Variants in REN observed in about 807,000 individuals in gnomAD.
REN encodes angiotensin-forming enzyme.
Under a neutral mutation model 48.6 loss-of-function variants are expected in REN, and 42 were observed. That is an observed-to-expected ratio of 0.86 (90% confidence interval 0.68 to 1.12). The LOEUF is 1.12. REN is among the 50% of genes most tolerant of loss of function. The pLI, the probability that REN is intolerant of heterozygous loss-of-function variation, is 0.00. For missense variants in REN, 443 were observed against 527.3 expected, an observed-to-expected ratio of 0.84 and a Z score of 1.57; for synonymous variants, 196 against 204.6, an observed-to-expected ratio of 0.96 and a Z score of 0.36.
intron 5 of REN, 62 bp downstream of exon 5, chr1:204,159,337 C>T (rs975530829): frequency 6.8e-7 from 1 of 1,471,248 alleles, no homozygotes; most frequent in Non-Finnish European, 9.5e-7. Flanking sequence ...ACTCTCCTTC[C>T]ACTCCCCATC....
chr1:204,159,619 G>T (rs372230599), intron 4 of REN, 24 bp from the exon 5 acceptor site: 1 of 1,611,812 alleles, frequency 6.2e-7, no homozygotes, highest in Non-Finnish European at 8.5e-7. Context: ...GACCAGAGGA[G>T]ACCAAGCCCA....
intron 1 of REN, among the ~76,000 whole-genome samples, 183 bp from the exon 2 acceptor site, chr1:204,162,346 T>C (rs1658264285): frequency 6.6e-6 from 1 of 151,994 alleles, no homozygotes; most frequent in Non-Finnish European, 1.5e-5. Context: ...TTGTCAAGAG[T>C]CAATTTAGAG....
Position 204,161,536 on chromosome 1 carries a change from C to T in REN, c.250-121G>A, listed in dbSNP as rs973571895. On this transcript the variant is annotated intron_variant, in intron 2 of 9. Coordinates refer to ENST00000272190, the MANE Select transcript of REN (RefSeq NM_000537.4). ...GCCCAGGCGAGGTCCTATAGCCTCT[C>T]GGGGTTTCCATTTTCCTGCAGGAAC... 8 of 969,178 alleles carry T rather than the reference C, an allele frequency of 8.3e-6. No individual in the cohort carries two copies. In the South Asian group the frequency reaches 9.8e-5, roughly 12 times the overall value. The allele number at this position is 969,178 out of a possible 1,614,324, so 60.0% of individuals were successfully genotyped here. A position where few individuals can be genotyped will look rare whatever the true frequency, so the allele number is the denominator to read the frequency against.
At chr1:204,163,411 A>C in intron 1 of REN, among the ~76,000 whole-genome samples, 1 of 152,278 alleles carries the variant, frequency 6.6e-6, no homozygotes, top group Admixed American at 6.5e-5. Flanking sequence ...TCATTATTTT[A>C]TTTGCTCTCA....
rs780495146 is a variant in REN, at chr1:204,156,813, A to C, written c.699-17T>G. On this transcript the variant is annotated splice_polypyrimidine_tract_variant and intron_variant, in intron 6 of 9. Transcript: ENST00000272190. This position sits in a 1 kb window ranked among gnomAD's most constrained non-coding sequence, Gnocchi z 4.2. ...TGGGAATTCCTAAAGGAAAGATCAG[A>C]AGCTCTTGGAAACCCATAACCTCCA... 3 of 1,613,438 alleles carry C rather than the reference A, an allele frequency of 1.9e-6. No homozygotes were observed. The African/African-American group carries it at 4.0e-5, about 22-fold the overall frequency.
At chr1:204,155,985 G>C in intron 8 of REN, 67 bp from the exon 9 acceptor site, 2 of 1,467,788 alleles carry the variant, frequency 1.4e-6, no homozygotes, top group Non-Finnish European at 1.9e-6. Context: ...GGAGTCCTGC[G>C]CTGGTGGCCT....
At chr1:204,155,736 A>T in intron 9 of REN, 84 bp downstream of exon 9, 11 of 1,050,010 alleles carry the variant, frequency 1.0e-5, no homozygotes, top group Non-Finnish European at 1.6e-5. Flanking sequence ...TTCTAACATG[A>T]CCTGTGCATT....
intron 3 of REN, 98 bp from the exon 4 acceptor site, chr1:204,160,776 G>T (rs748302295): frequency 9.3e-6 from 8 of 860,752 alleles, no homozygotes; most frequent in Admixed American, 1.7e-5. Context: ...TAGCTTAGGT[G>T]CAGGGATGAG....
intron 5 of REN, among the ~76,000 whole-genome samples, chr1:204,158,159 A>T (rs1420142630): frequency 7.5e-6 from 1 of 133,196 alleles, no homozygotes; most frequent in Non-Finnish European, 1.5e-5. Flanking sequence ...CCTACATCTC[A>T]TGACCTCCAC....
In REN at chr1:204,161,997, T is replaced by C. The variant is rs1172738026; in HGVS notation, c.249+16A>G. On this transcript the variant is annotated intron_variant, in intron 2 of 9. Transcript: ENST00000272190. ...AGGAGACAGGGAGGGAGCGAGGGGC[T>C]GAGCCAAGCACTCACGTCCATGTAG... The C allele has an allele frequency of 1.9e-6, 3 of 1,613,648 alleles. No individual in the cohort carries two copies. The highest frequency in any genetic ancestry group is 1.7e-5 in the Admixed American group (1 of 60,004).
chr1:204,156,556 T>TGCTTAAGAAGTGGCTGC lies in REN; in HGVS notation c.818+104_818+120dup. On this transcript the variant is annotated intron_variant, in intron 7 of 9. Transcript: ENST00000272190. This position sits in a 1 kb window ranked among gnomAD's most constrained non-coding sequence, Gnocchi z 4.2. ...GCAGGCAGAGAGCAAATGGTGGCTG[T>TGCTTAAGAAGTGGCTGC]GCTTAAGAAGTGGCTGCATTTGGAA... 4 of 1,457,860 alleles carry TGCTTAAGAAGTGGCTGC rather than the reference T, an allele frequency of 2.7e-6. No individual in the cohort carries two copies. Among genetic ancestry groups the TGCTTAAGAAGTGGCTGC allele is most frequent in the Non-Finnish European group, 3.8e-6 (4 of 1,044,424 alleles). The allele number at this position is 1,457,860 out of a possible 1,614,324, so 90.3% of individuals were successfully genotyped here.
In REN at chr1:204,156,727, G is replaced by T. The variant is rs780556396; in HGVS notation, c.768C>A (p.Phe256Leu). 6.2e-7 allele frequency: 1 copy of T among 1,614,070 alleles called. No homozygotes were observed. The highest frequency in any genetic ancestry group is 8.5e-7 in the Non-Finnish European group (1 of 1,179,996). ...CAGTCTTGATGAGGTTGATATAGTGGAAATTCCCTTCGTAATGCTGGGGGT... is the reference window on the plus strand; with the variant it reads ...CAGTCTTGATGAGGTTGATATAGTGTAAATTCCCTTCGTAATGCTGGGGGT... ...GSDPQHYEGNFHYINLIKTGV... is the reference protein window; with the variant it reads ...GSDPQHYEGNLHYINLIKTGV... Residue 256 changes from phenylalanine to leucine, a missense_variant, in exon 7 of 10, where the codon TTC (phenylalanine) becomes TTA (leucine). Physicochemically the swap from Phe to Leu is conservative, Grantham distance 22. Coordinates refer to ENST00000272190, the MANE Select transcript of REN (RefSeq NM_000537.4). This position sits in a 1 kb window ranked among gnomAD's most constrained non-coding sequence, Gnocchi z 4.2.
intron 2 of REN, among the ~76,000 whole-genome samples, chr1:204,161,806 C>T (rs187629266): frequency 6.6e-6 from 1 of 152,274 alleles, no homozygotes; most frequent in East Asian, 1.9e-4. Flanking sequence ...AAACCTAACC[C>T]TGCCCCTGAA....
rs1658161313 is a variant in REN, at chr1:204,156,925, A to G, written c.699-129T>C. The G allele has an allele frequency of 1.7e-6, 2 of 1,208,846 alleles. No individual in the cohort carries two copies. Among genetic ancestry groups the G allele is most frequent in the Admixed American group, 3.4e-5 (2 of 58,538 alleles). The allele number at this position is 1,208,846 out of a possible 1,614,324, so 74.9% of individuals were successfully genotyped here. On this transcript the variant is annotated intron_variant, in intron 6 of 9. Coordinates refer to ENST00000272190, the MANE Select transcript of REN (RefSeq NM_000537.4). The surrounding 1 kb of genome is among the most constrained non-coding windows in gnomAD (Gnocchi z 4.2). ...TCTAGAGCAGAGGAATGTGGGACAGACAGCCAGGCTCGGAGCTGTCGTTGG... is the reference window on the plus strand; with the variant it reads ...TCTAGAGCAGAGGAATGTGGGACAGGCAGCCAGGCTCGGAGCTGTCGTTGG...
Position 204,162,021 on chromosome 1 carries a change from A to G in REN, c.241T>C (p.Tyr81His). 1 of 1,614,196 alleles carries G rather than the reference A, an allele frequency of 6.2e-7. No individual in the cohort carries two copies. The change falls in exon 2 of 10, where the codon TAC (tyrosine) becomes CAC (histidine). Residue 81 changes from tyrosine to histidine, a missense_variant. By Grantham distance (83) the Tyr-to-His change is moderately conservative. Coordinates refer to ENST00000272190, the MANE Select transcript of REN (RefSeq NM_000537.4). ...NTTSSVILTN[Y>H]MDTQYYGEIG... ...CTGAGCCAAGCACTCACGTCCATGT[A>G]GTTGGTGAGGATCACGGAGGAGGTG...
intron 1 of REN, among the ~76,000 whole-genome samples, chr1:204,162,759 C>T (rs1261639699): frequency 6.6e-6 from 1 of 152,236 alleles, no homozygotes; most frequent in African/African-American, 2.4e-5. Context: ...GGAGTGGACC[C>T]CCTGAGCTGG....
chr1:204,164,465 C>T (rs1658302909), intron 1 of REN, among the ~76,000 whole-genome samples: 1 of 151,946 alleles, frequency 6.6e-6, no homozygotes, highest in Non-Finnish European at 1.5e-5. Context: ...AGTGTGCCTC[C>T]CTACCTTCAG....
rs762654151 is a variant in REN at position 204,156,322 on chromosome 1, G to C, written c.819-3C>G. On this transcript the variant is annotated splice_polypyrimidine_tract_variant and splice_region_variant and intron_variant, in intron 7 of 9. Coordinates refer to ENST00000272190, the MANE Select transcript of REN (RefSeq NM_000537.4). This position sits in a 1 kb window ranked among gnomAD's most constrained non-coding sequence, Gnocchi z 4.2. ...AGGTGGATGACCCCACAGACACCCTGGGGGAGGCCACAGTCAGACAGACAG... is the reference window on the plus strand; with the variant it reads ...AGGTGGATGACCCCACAGACACCCTCGGGGAGGCCACAGTCAGACAGACAG... The C allele has an allele frequency of 1.3e-6, 2 of 1,577,612 alleles. No homozygotes were observed.
chr1:204,164,680 C>T (rs1038695504), intron 1 of REN, among the ~76,000 whole-genome samples: 1 of 150,142 alleles, frequency 6.7e-6, no homozygotes, highest in South Asian at 2.1e-4. Context: ...AAGTGATGCT[C>T]CCACCTCAGC....
Sources: allele counts gnomAD v4.1 joint callset (sites outside exome capture counted in the v4.1 genomes callset), GRCh38; gene constraint gnomAD v4.1.1; non-coding constraint Gnocchi (gnomAD v3.1); transcripts MANE v1.5; gene names NCBI Gene and HGNC (gene_info 2026-07-23, HGNC 2026-07-21).